Variants in COL11A1 observed in about 807,000 individuals in gnomAD.
COL11A1 encodes the protein collagen type XI alpha 1 chain.
In COL11A1, 74 loss-of-function variants were observed where a neutral mutation model predicts 265.2. That is an observed-to-expected ratio of 0.28 (90% CI 0.23 to 0.34). The LOEUF (loss-of-function observed/expected upper bound fraction) is 0.34. Among genes scored for constraint, COL11A1 ranks in the 10% least tolerant of loss-of-function variants. COL11A1 has a pLI of 1.00. For missense variants in COL11A1, 2,165 were observed against 2,263.6 expected (o/e 0.96, Z 0.88); for synonymous variants, 816 against 727.6 (o/e 1.12, Z -1.96).
chr1:103,038,370 C>A (rs1210931702), intron 4 of COL11A1, among the ~76,000 whole-genome samples: 1 of 152,058 alleles, frequency 6.6e-6, no homozygotes, highest in Non-Finnish European at 1.5e-5. Flanking sequence ...GAGGCTGAGT[C>A]AGGAAAATCG....
intron 1 of COL11A1, among the ~76,000 whole-genome samples, chr1:103,089,385 A>T (rs1673126093): frequency 6.6e-6 from 1 of 152,040 alleles, no homozygotes; most frequent in South Asian, 2.1e-4. Context: ...TTCCCCTTAG[A>T]TCACCCTACA....
intron 43 of COL11A1, among the ~76,000 whole-genome samples, chr1:102,940,089 C>T (rs1658565085): frequency 6.6e-6 from 1 of 152,066 alleles, no homozygotes; most frequent in Non-Finnish European, 1.5e-5. Context: ...TAGTTTTTCT[C>T]ACTACCACTG....
chr1:102,970,359 C>T (rs961953960), intron 36 of COL11A1, 87 bp from the exon 37 acceptor site: 2 of 1,041,468 alleles, frequency 1.9e-6, no homozygotes, highest in South Asian at 3.0e-5. Context: ...ATTTTCTTTT[C>T]TTTTTATATT....
chr1:103,025,956 T>C (rs1667478123), intron 6 of COL11A1: 2 of 1,609,690 alleles, frequency 1.2e-6, no homozygotes, highest in Admixed American at 1.7e-5. Flanking sequence ...TCTTTTTCTG[T>C]AAAATGTGGT....
chr1:102,915,807 G>T, intron 49 of COL11A1, 123 bp from the exon 50 acceptor site: 1 of 774,254 alleles, frequency 1.3e-6, no homozygotes, highest in Non-Finnish European at 2.1e-6. Context: ...AAAAGGCATT[G>T]AAAAACTTTA....
At chr1:102,976,289 C>CTTTTTT (rs149842131) in intron 35 of COL11A1, among the ~76,000 whole-genome samples, 3,166 of 58,546 alleles carry the variant, frequency 0.054, 1,058 homozygotes, top group East Asian at 0.12. Flanking sequence ...AAAACGTTGG[C>CTTTTTT]TTTTTTTTTT....
chr1:102,997,040 T>C (rs1031296869), intron 26 of COL11A1, 40 bp downstream of exon 26: 10 of 1,564,286 alleles, frequency 6.4e-6, no homozygotes, highest in Admixed American at 1.7e-5. Flanking sequence ...CTCTTGGAAA[T>C]TTATTAATAG....
intron 1 of COL11A1, among the ~76,000 whole-genome samples, chr1:103,090,035 A>T (rs959446858): frequency 1.3e-5 from 2 of 152,106 alleles, no homozygotes; most frequent in African/African-American, 4.8e-5. Context: ...GAGGCAGGAG[A>T]ATCTCTTGAA....
At chr1:102,887,079 G>A in intron 62 of COL11A1, 23 bp from the exon 63 acceptor site, 4 of 1,613,096 alleles carry the variant, frequency 2.5e-6, no homozygotes, top group Non-Finnish European at 3.4e-6. Context: ...TAATGTGAGT[G>A]CAATTGTTTC....
intron 28 of COL11A1, among the ~76,000 whole-genome samples, chr1:102,991,653 T>C (rs1664147352): frequency 6.6e-6 from 1 of 152,192 alleles, no homozygotes; most frequent in Non-Finnish European, 1.5e-5. Flanking sequence ...CAAACATGTT[T>C]TGGACCTTCA....
chr1:103,033,501 G>A (rs374962973), intron 4 of COL11A1, among the ~76,000 whole-genome samples: 1 of 151,936 alleles, frequency 6.6e-6, no homozygotes, highest in East Asian at 1.9e-4. Context: ...GTTATCTTAT[G>A]TAGCTCTAAT....
At chr1:102,887,347 CTT>C (rs1651124752) in intron 62 of COL11A1, among the ~76,000 whole-genome samples, 1 of 151,788 alleles carries the variant, frequency 6.6e-6, no homozygotes, top group African/African-American at 2.4e-5. Context: ...ATGTTAGTCT[CTT>C]GTTTATTAAT....
intron 4 of COL11A1, among the ~76,000 whole-genome samples, chr1:103,056,787 T>C (rs890738728): frequency 1.3e-5 from 2 of 152,136 alleles, no homozygotes; most frequent in Non-Finnish European, 2.9e-5. Context: ...TCTCAGTACA[T>C]ATAAAAGTTA....
intron 52 of COL11A1, among the ~76,000 whole-genome samples, 191 bp downstream of exon 52, chr1:102,914,161 T>A (rs1655029800): frequency 6.6e-6 from 1 of 152,254 alleles, no homozygotes; most frequent in Non-Finnish European, 1.5e-5. Flanking sequence ...AAGAGCTTAA[T>A]CACTTAGTGT....
intron 4 of COL11A1, among the ~76,000 whole-genome samples, chr1:103,052,993 C>T (rs1277455972): frequency 1.3e-5 from 2 of 152,052 alleles, no homozygotes; most frequent in African/African-American, 4.8e-5. Flanking sequence ...GTACTGCAGG[C>T]TAATAATAGA....
chr1:103,082,731 A>G, intron 2 of COL11A1, 74 bp downstream of exon 2: 14 of 1,266,750 alleles, frequency 1.1e-5, no homozygotes, highest in Non-Finnish European at 1.5e-5. Context: ...GAAATACTAA[A>G]AGTAGTTTTA....
Position 103,015,274 on chromosome 1 carries a change from T to G in COL11A1, c.1488+394A>C, listed in dbSNP as rs372984455. Among the ~76,000 whole-genome samples the G allele has an allele frequency of 7.4e-4, 112 of 152,016 alleles. 1 individual carries two copies. Among genetic ancestry groups the G allele is most frequent in the African/African-American group, 2.6e-3 (108 of 41,512 alleles). The stretch of plus-strand genomic sequence containing the variant: ...CAAAGGAATCTTACAGTAAAGCAAA[T>G]AATTTTTGAGCAATGAATAATAACA... On this transcript the variant is annotated intron_variant, in intron 12 of 66. Transcript: ENST00000370096.
chr1:102,956,902 A>G (rs1027243487), intron 41 of COL11A1, among the ~76,000 whole-genome samples: 6 of 151,776 alleles, frequency 4.0e-5, no homozygotes, highest in African/African-American at 1.4e-4. Context: ...AAGTCAGTTA[A>G]TATTTAAAAA....
chr1:102,960,487 TG>T (rs36115713), intron 41 of COL11A1, among the ~76,000 whole-genome samples: 41,133 of 119,684 alleles, frequency 0.34, 5,807 homozygotes, highest in African/African-American at 0.41. Flanking sequence ...GGTGTGTGTG[TG>T]GGGGGGGGAA....
Sources: gnomAD v4.1 joint callset for allele counts (sites outside exome capture counted in the v4.1 genomes callset) on GRCh38, gnomAD v4.1.1 for gene constraint, MANE v1.5 for transcripts, NCBI Gene and HGNC (gene_info 2026-07-23, HGNC 2026-07-21) for gene names.